Variants in EFCAB6 observed in about 807,000 individuals in gnomAD.
EFCAB6 encodes EF-hand calcium-binding domain-containing protein 6.
A neutral mutation model predicts 169.8 loss-of-function variants in EFCAB6; 156 were observed. That is an observed-to-expected ratio of 0.92 (90% CI 0.81 to 1.05). The LOEUF is 1.05. EFCAB6 is among the 50% of genes least tolerant of loss of function. The pLI, the probability that EFCAB6 is intolerant of heterozygous loss-of-function variation, is 0.00. For missense variants in EFCAB6, 1,800 were observed against 1,829.1 expected, an observed-to-expected ratio of 0.98 and a Z score of 0.29; for synonymous variants, 698 against 676.4, an observed-to-expected ratio of 1.03 and a Z score of -0.50.
At chr22:43,575,534 C>A (rs1480289571) in intron 26 of EFCAB6, among the ~76,000 whole-genome samples, 1 of 151,530 alleles carries the variant, frequency 6.6e-6, no homozygotes, top group Non-Finnish European at 1.5e-5. Context: ...CAACTAAAGC[C>A]AACATATTAA....
intron 27 of EFCAB6, among the ~76,000 whole-genome samples, chr22:43,551,497 T>C (rs914852677): frequency 6.6e-6 from 1 of 152,216 alleles, no homozygotes; most frequent in African/African-American, 2.4e-5. Context: ...CTTATTTTTG[T>C]TTTTTAAATT....
chr22:43,800,201 C>T (rs914039936), intron 2 of EFCAB6, among the ~76,000 whole-genome samples: 2 of 152,222 alleles, frequency 1.3e-5, no homozygotes, highest in African/African-American at 2.4e-5. Flanking sequence ...TCCCACGCTG[C>T]TGGGACATCC....
chr22:43,621,549 A>C (rs2054115869), intron 20 of EFCAB6, among the ~76,000 whole-genome samples: 1 of 152,186 alleles, frequency 6.6e-6, no homozygotes, highest in African/African-American at 2.4e-5. Flanking sequence ...AAATGCAGCT[A>C]AATCAGTGCC....
At chr22:43,691,629 AAAAC>A (rs1450110549) in intron 10 of EFCAB6, among the ~76,000 whole-genome samples, 1 of 152,104 alleles carries the variant, frequency 6.6e-6, no homozygotes, top group African/African-American at 2.4e-5. Context: ...ACCATAAACA[AAAAC>A]AAAATTTAAA....
chr22:43,560,455 A>G (rs977125043), intron 26 of EFCAB6, among the ~76,000 whole-genome samples: 3 of 152,220 alleles, frequency 2.0e-5, no homozygotes, highest in Admixed American at 2.0e-4. Context: ...GAGCCCTTAC[A>G]TCATAAGACC....
intron 24 of EFCAB6, among the ~76,000 whole-genome samples, chr22:43,584,465 T>C (rs1222418486): frequency 6.6e-6 from 1 of 152,132 alleles, no homozygotes; most frequent in Non-Finnish European, 1.5e-5. Context: ...TTCATGGGCT[T>C]TAACTTCAGG....
At chr22:43,631,509 C>A (rs2054941297) in intron 19 of EFCAB6, among the ~76,000 whole-genome samples, 2 of 152,068 alleles carry the variant, frequency 1.3e-5, no homozygotes, top group Non-Finnish European at 2.9e-5. Context: ...TCCTGGCCAG[C>A]CCAGGCTTAG....
Position 43,540,219 on chromosome 22 carries a change from T to C in EFCAB6, c.3787A>G (p.Ser1263Gly). ...GTGCCTTCCGAGACGTCAGGGACAC[T>C]GCTCCCTCTCTGGGCCACGGCCGAG... ...GDSAVAQRGS[S>G]VPDVSEGTRS... The change falls in exon 28 of 32, where the codon AGT (serine) becomes GGT (glycine). Residue 1263 changes from serine to glycine, a missense_variant. Coordinates refer to ENST00000262726, the MANE Select transcript of EFCAB6 (RefSeq NM_022785.4). The C allele has an allele frequency of 6.2e-7, 1 of 1,614,248 alleles. No homozygotes were observed. Among genetic ancestry groups the C allele is most frequent in the Non-Finnish European group, 8.5e-7 (1 of 1,180,050 alleles).
chr22:43,552,586 T>C (rs555378179), intron 27 of EFCAB6: 2 of 152,216 alleles, frequency 1.3e-5, no homozygotes, highest in Non-Finnish European at 2.9e-5. Flanking sequence ...TTCATATGTT[T>C]GTTGGCTGCA....
chr22:43,753,203 CA>C (rs1432053090), intron 6 of EFCAB6, among the ~76,000 whole-genome samples: 1 of 152,106 alleles, frequency 6.6e-6, no homozygotes, highest in Non-Finnish European at 1.5e-5. Context: ...ATTATGGAGA[CA>C]AAGAAGCTGA....
chr22:43,667,181 C>T lies in EFCAB6; in HGVS notation c.1906G>A (p.Asp636Asn). 2 of 1,614,144 alleles carry T rather than the reference C, an allele frequency of 1.2e-6. No homozygotes were observed. The highest frequency in any genetic ancestry group is 1.7e-6 in the Non-Finnish European group (2 of 1,180,008). ...AGAAATCGTTTTTTGAATGCCGGGT[C>T]CTGCTGCTGTATACACTTTTTGAAT... ...EKFKKCIQQQ[D>N]PAFKKRFLDF... is the part of the protein sequence containing the mutation. The change falls in exon 17 of 32, where the codon GAC becomes AAC. Residue 636 changes from aspartate to asparagine, a missense_variant. Physicochemically the swap from Asp to Asn is conservative, Grantham distance 23. Transcript: ENST00000262726.
chr22:43,699,102 C>G (rs977459492), intron 10 of EFCAB6, among the ~76,000 whole-genome samples: 2 of 152,132 alleles, frequency 1.3e-5, no homozygotes, highest in African/African-American at 4.8e-5. Flanking sequence ...ATTGACTGCA[C>G]TGGATATTCT....
chr22:43,733,867 C>T (rs1241771745), intron 7 of EFCAB6, among the ~76,000 whole-genome samples: 1 of 152,110 alleles, frequency 6.6e-6, no homozygotes, highest in Non-Finnish European at 1.5e-5. Flanking sequence ...CACCACCATG[C>T]CTGGCTAATT....
At chr22:43,658,731 G>A (rs1048628357) in intron 17 of EFCAB6, among the ~76,000 whole-genome samples, 3 of 152,204 alleles carry the variant, frequency 2.0e-5, no homozygotes, top group African/African-American at 7.2e-5. Flanking sequence ...GCTGGAGGAT[G>A]GAGGAATAAG....
intron 10 of EFCAB6, among the ~76,000 whole-genome samples, chr22:43,704,547 C>A (rs2058884346): frequency 6.6e-6 from 1 of 152,028 alleles, no homozygotes; most frequent in Non-Finnish European, 1.5e-5. Flanking sequence ...AAAGACAGAA[C>A]TATTAATAAC....
At chr22:43,616,609 A>C (rs2053703242) in intron 20 of EFCAB6, among the ~76,000 whole-genome samples, 1 of 80 alleles carries the variant, frequency 0.013, no homozygotes, top group Non-Finnish European at 0.026. Context: ...GGTTGCAGTG[A>C]GCTGAGATTC....
chr22:43,715,200 G>C (rs558949056), intron 9 of EFCAB6, among the ~76,000 whole-genome samples: 8 of 152,316 alleles, frequency 5.3e-5, no homozygotes, highest in Non-Finnish European at 1.0e-4. Context: ...TTGCGGGAAG[G>C]AAATGTTCAT....
intron 21 of EFCAB6, 43 bp from the exon 22 acceptor site, chr22:43,608,643 C>T (rs984242940): frequency 8.9e-6 from 14 of 1,570,088 alleles, no homozygotes; most frequent in Admixed American, 3.4e-5. Context: ...GTGAAATGTG[C>T]GTATGACAGC....
intron 2 of EFCAB6, among the ~76,000 whole-genome samples, chr22:43,791,964 C>T (rs530599242): frequency 3.3e-5 from 5 of 152,258 alleles, no homozygotes; most frequent in African/African-American, 4.8e-5. Context: ...CTGGTTCCCA[C>T]GGTTGGCCAA....
Sources: gnomAD v4.1 joint callset for allele counts (sites outside exome capture counted in the v4.1 genomes callset) on GRCh38, gnomAD v4.1.1 for gene constraint, MANE v1.5 for transcripts, NCBI Gene and HGNC (gene_info 2026-07-23, HGNC 2026-07-21) for gene names.